Variants in STIM1 observed in about 807,000 individuals in gnomAD.
The protein encoded by STIM1 is stromal interaction molecule 1.
STIM1 carries 25 observed loss-of-function variants against 74.7 expected under a neutral mutation model. That is an observed-to-expected ratio of 0.33 (90% CI 0.24 to 0.47). STIM1 has a LOEUF of 0.47. Among genes scored for constraint, STIM1 ranks in the 20% least tolerant of loss-of-function variants. STIM1 has a pLI of 1.00. For missense variants in STIM1, 728 were observed against 920.8 expected, an observed-to-expected ratio of 0.79 and a Z score of 2.71; for synonymous variants, 328 against 348.8, an observed-to-expected ratio of 0.94 and a Z score of 0.66.
At chr11:4,035,357 G>A (rs2094090269) in intron 3 of STIM1, among the ~76,000 whole-genome samples, 1 of 150,482 alleles carries the variant, frequency 6.6e-6, no homozygotes, top group Non-Finnish European at 1.5e-5. Context: ...AATGGCAAAT[G>A]TTCTCCTATT....
At chr11:3,918,793 G>A (rs2092683211) in intron 1 of STIM1, among the ~76,000 whole-genome samples, 1 of 152,116 alleles carries the variant, frequency 6.6e-6, no homozygotes, top group African/African-American at 2.4e-5. Flanking sequence ...AAGGGAAGAA[G>A]ATCAAGGTAC....
Position 4,084,653 on chromosome 11 carries a change from G to T in STIM1, c.1475-20G>T, listed in dbSNP as rs1271782314. 7.8e-7 allele frequency: 1 copy of T among 1,288,796 alleles called. No individual in the cohort carries two copies. The highest frequency in any genetic ancestry group is 1.5e-5 in the African/African-American group (1 of 65,932). The allele number at this position is 1,288,796 out of a possible 1,614,324, so 79.8% of individuals were successfully genotyped here. ...ATAAATCAGATTCTCTTCTCCTTTT[G>T]GCCTGGCTGTTGACCCTAGATGCTG... On this transcript the variant is annotated intron_variant, in intron 10 of 12. Transcript: ENST00000526596.
chr11:3,988,574 C>G (rs926349666), intron 2 of STIM1, among the ~76,000 whole-genome samples: 3 of 151,918 alleles, frequency 2.0e-5, no homozygotes, highest in African/African-American at 7.3e-5. Context: ...TACATATGTC[C>G]CACCAATTCA....
At chr11:4,017,318 C>G (rs1590651313) in intron 2 of STIM1, among the ~76,000 whole-genome samples, 1 of 152,192 alleles carries the variant, frequency 6.6e-6, no homozygotes, top group Admixed American at 6.5e-5. Context: ...GGTAGAGCTT[C>G]TATTTGCCAG....
At chr11:3,864,796 T>G (rs896630970) in intron 1 of STIM1, among the ~76,000 whole-genome samples, 1 of 152,250 alleles carries the variant, frequency 6.6e-6, no homozygotes, top group African/African-American at 2.4e-5. Context: ...CAATCACTTC[T>G]AGGTTCTGTG....
At chr11:4,077,381 A>C (rs1219116637) in intron 7 of STIM1, among the ~76,000 whole-genome samples, 4 of 152,072 alleles carry the variant, frequency 2.6e-5, no homozygotes, top group Non-Finnish European at 5.9e-5. Flanking sequence ...CTAATGATGT[A>C]GTCTAAAATA....
At chr11:4,068,306 C>G (rs1029788087) in intron 5 of STIM1, among the ~76,000 whole-genome samples, 1 of 152,174 alleles carries the variant, frequency 6.6e-6, no homozygotes, top group African/African-American at 2.4e-5. Context: ...GCATACCCAC[C>G]TTAAGTATTT....
chr11:4,079,402 C>T (rs1432362415), intron 7 of STIM1, among the ~76,000 whole-genome samples: 3 of 151,640 alleles, frequency 2.0e-5, no homozygotes, highest in Admixed American at 6.6e-5. Context: ...AGTGAAACCC[C>T]GTCTCTACTA....
At chr11:3,893,025 C>T in intron 1 of STIM1, 1 of 602,358 alleles carries the variant, frequency 1.7e-6, no homozygotes, top group Non-Finnish European at 2.9e-6. Flanking sequence ...CCACTTCGTC[C>T]TCCCAAAATG....
At chr11:4,050,828 T>C (rs1416948853) in intron 3 of STIM1, among the ~76,000 whole-genome samples, 1 of 152,182 alleles carries the variant, frequency 6.6e-6, no homozygotes, top group Non-Finnish European at 1.5e-5. Context: ...GTTATATGTA[T>C]TATATACTGT....
chr11:4,038,784 A>G lies in STIM1; in HGVS notation c.385+14797A>G, dbSNP rs550622014. ...CTTGGCCCAGCCTAGCTCTACTGCT[A>G]TGTATCTTTCACTTGGTTCCAGATC... On this transcript the variant is annotated intron_variant, in intron 3 of 12. Coordinates refer to ENST00000526596, the MANE Select transcript of STIM1 (RefSeq NM_001382567.1). 3.8e-4 allele frequency among the ~76,000 whole-genome samples: 58 copies of G among 152,278 alleles called. 1 individual carries two copies. The highest frequency in any genetic ancestry group is 6.3e-4 in the African/African-American group (26 of 41,556).
chr11:4,020,077 G>C (rs568994932), intron 2 of STIM1, among the ~76,000 whole-genome samples: 15 of 152,248 alleles, frequency 9.9e-5, no homozygotes, highest in African/African-American at 3.4e-4. Flanking sequence ...ATTTCACTTA[G>C]CATAATGTCC....
rs942124553 is a variant in STIM1 at position 3,968,557 on chromosome 11, G to C, written c.270+875G>C. 3.3e-5 allele frequency among the ~76,000 whole-genome samples: 5 copies of C among 152,162 alleles called. No individual in the cohort carries two copies. The East Asian group carries it at 5.8e-4, about 18-fold the overall frequency. On this transcript the variant is annotated intron_variant, in intron 2 of 12. Coordinates refer to ENST00000526596, the MANE Select transcript of STIM1 (RefSeq NM_001382567.1). ...AGTGACATGAGTGATGAAGAGTTTG[G>C]AAAGTATGAAACAAAGAGCATTCAA...
chr11:4,084,732 G>T lies in STIM1; in HGVS notation c.1534G>T (p.Gly512Cys), dbSNP rs74352612. ...CCGCTCTCTCTGCTCTACATCCGCC[G>T]GCTCGGATGATCAGTCCCTCTGGAA... is the stretch of plus-strand genomic sequence containing the variant. ...SDRSLCSTSA[G>C]SDDQSLWKYP... is the part of the protein sequence containing the mutation. The change falls in exon 11 of 13, where the codon GGC becomes TGC. Residue 512 changes from glycine (G) to cysteine (C), a missense_variant. Physicochemically the swap from Gly to Cys is radical, Grantham distance 159 (BLOSUM62 -3). This residue lies in a region of STIM1 where 352 missense variants were observed against 370.1 expected (regional missense o/e 0.95). Transcript: ENST00000526596. 1.0e-5 allele frequency: 13 copies of T among 1,289,232 alleles called. No homozygotes were observed. The highest frequency in any genetic ancestry group is 1.1e-5 in the Non-Finnish European group (11 of 988,874). 79.9% of individuals were successfully genotyped at this position (1,289,232 alleles called of 1,614,324 possible).
At position 3,895,716 on chromosome 11, in the gene STIM1, TTCTTTCTTTCTTTCTTTCTTTTTC is replaced by T. The variant is rs1383541594; in HGVS notation, c.139+39309_139+39332del. 4.5e-3 allele frequency among the ~76,000 whole-genome samples: 171 copies of T among 38,064 alleles called. 17 individuals are homozygous for T. The highest frequency in any genetic ancestry group is 0.022 in the African/African-American group (127 of 5,784). The allele number at this position is 38,064 out of a possible 152,430, so 25.0% of individuals were successfully genotyped here. A position where few individuals can be genotyped will look rare whatever the true frequency, so the allele number is the denominator to read the frequency against. On this transcript the variant is annotated intron_variant, in intron 1 of 12. Transcript: ENST00000526596. ...TTTCTTTCTTTCTTTCTTTCTTTCT[TTCTTTCTTTCTTTCTTTCTTTTTC>T]TTTCTTCCTTCCTTCCTTCCTTCCT...
intron 2 of STIM1, among the ~76,000 whole-genome samples, chr11:4,022,038 T>C (rs11030660): frequency 0.24 from 36,666 of 151,884 alleles, 5,581 homozygotes; most frequent in South Asian, 0.44. Context: ...CTAGATTTAA[T>C]ATCATGTTAT....
chr11:4,029,930 AT>A (rs897560058), intron 3 of STIM1, among the ~76,000 whole-genome samples: 7 of 152,168 alleles, frequency 4.6e-5, no homozygotes, highest in Non-Finnish European at 8.8e-5. Flanking sequence ...CTCTGGTAAA[AT>A]TGGTTTTGTT....
chr11:4,023,330 G>GACAGACAA (rs1554966298), intron 2 of STIM1, among the ~76,000 whole-genome samples: 7 of 150,878 alleles, frequency 4.6e-5, no homozygotes, highest in Admixed American at 4.6e-4. Flanking sequence ...TCTGTCTCAA[G>GACAGACAA]ACAAACAAAC....
chr11:3,984,113 G>A (rs1298963198), intron 2 of STIM1, among the ~76,000 whole-genome samples: 3 of 152,070 alleles, frequency 2.0e-5, no homozygotes, highest in East Asian at 1.9e-4. Flanking sequence ...TGATCCGCCC[G>A]CCTTGGCCTC....
Sources: gnomAD v4.1 joint callset for allele counts (sites outside exome capture counted in the v4.1 genomes callset) on GRCh38, gnomAD v4.1.1 for gene constraint, gnomAD v4.1.1 regional missense constraint, MANE v1.5 for transcripts, NCBI Gene and HGNC (gene_info 2026-07-23, HGNC 2026-07-21) for gene names.